The following SP4 variants were observed in gnomAD, a reference collection of about 807,000 sequenced individuals.
SP4 encodes Sp4 transcription factor.
In SP4, 19 loss-of-function variants were observed where a neutral mutation model predicts 72.8. That is an observed-to-expected ratio of 0.26 (90% CI 0.18 to 0.38). The LOEUF (loss-of-function observed/expected upper bound fraction) is 0.38, where lower values mean the gene tolerates loss of function less well. Ranked by LOEUF, SP4 falls within the 10% of genes least tolerant of loss-of-function variation. The pLI is 1.00. For missense variants in SP4, 1,008 were observed against 926.3 expected, an observed-to-expected ratio of 1.09 and a Z score of -1.14; for synonymous variants, 395 against 333.1, an observed-to-expected ratio of 1.19 and a Z score of -2.02.
At chr7:21,451,386 C>CG (rs745561735) in intron 3 of SP4, among the ~76,000 whole-genome samples, 4 of 152,098 alleles carry the variant, frequency 2.6e-5, no homozygotes, top group Non-Finnish European at 5.9e-5. Context: ...TTCTTGGTTG[C>CG]GGGGTTAGGG....
At chr7:21,484,157 A>G (rs188141527) in intron 5 of SP4, among the ~76,000 whole-genome samples, 204 of 152,036 alleles carry the variant, frequency 1.3e-3, no homozygotes, top group African/African-American at 4.8e-3. Flanking sequence ...TAAAGTAGTA[A>G]TACAAATGAG....
At chr7:21,469,027 C>T (rs1246282274) in intron 3 of SP4, among the ~76,000 whole-genome samples, 1 of 152,078 alleles carries the variant, frequency 6.6e-6, no homozygotes, top group African/African-American at 2.4e-5. Context: ...AATCTCACTT[C>T]TAGGACTATC....
intron 5 of SP4, among the ~76,000 whole-genome samples, chr7:21,495,077 C>G (rs1319691634): frequency 6.6e-6 from 1 of 152,150 alleles, no homozygotes; most frequent in East Asian, 1.9e-4. Context: ...TTTACAAAAA[C>G]TAACTCCAAG....
chr7:21,441,981 TATTTC>T (rs1285061864), intron 3 of SP4, among the ~76,000 whole-genome samples: 1 of 151,210 alleles, frequency 6.6e-6, no homozygotes, highest in Non-Finnish European at 1.5e-5. Context: ...ATTTTATTTT[TATTTC>T]ATTTTATGTG....
At chr7:21,462,401 G>A (rs1784024399) in intron 3 of SP4, among the ~76,000 whole-genome samples, 1 of 152,180 alleles carries the variant, frequency 6.6e-6, no homozygotes, top group Non-Finnish European at 1.5e-5. Context: ...TGTATGAATG[G>A]AGAGAGGAAA....
intron 5 of SP4, among the ~76,000 whole-genome samples, chr7:21,489,624 A>T (rs911712474): frequency 3.1e-5 from 4 of 128,802 alleles, no homozygotes; most frequent in African/African-American, 1.2e-4. Context: ...CAGTGGCATG[A>T]TCTTGGCTCA....
At position 21,489,116 on chromosome 7, in the gene SP4, C is replaced by T. The variant is rs1041023152; in HGVS notation, c.2107+6993C>T. Among the ~76,000 whole-genome samples the T allele has an allele frequency of 1.1e-4, 17 of 152,076 alleles. No individual in the cohort carries two copies. The East Asian group carries it at 1.4e-3, about 12-fold the overall frequency. On this transcript the variant is annotated intron_variant, in intron 5 of 5. Transcript: ENST00000222584. ...AGTATAGGTTCTTTATAATATATGA[C>T]GACTTAGTGTTTTAGCCAAGATACA...
intron 3 of SP4, among the ~76,000 whole-genome samples, chr7:21,448,356 TG>T (rs1783489410): frequency 6.6e-6 from 1 of 152,244 alleles, no homozygotes; most frequent in Non-Finnish European, 1.5e-5. Context: ...AGAATCCTAC[TG>T]TTTTTTAATG....
At position 21,439,113 on chromosome 7, in the gene SP4, G is replaced by A. The variant is rs368365591; in HGVS notation, c.1678+8270G>A. Among the ~76,000 whole-genome samples, 163 of 152,290 alleles carry A rather than the reference G, an allele frequency of 1.1e-3. 1 individual carries two copies. Among genetic ancestry groups the A allele is most frequent in the African/African-American group, 3.8e-3 (156 of 41,568 alleles). On this transcript the variant is annotated intron_variant, in intron 3 of 5. Transcript: ENST00000222584. The stretch of plus-strand genomic sequence containing the variant: ...GGTCTTGGAACATATTCCCCCCTCT[G>A]ATAAGGGGGGACTGCTCTAGCTCTT...
At chr7:21,479,860 A>G (rs1161975222) in intron 4 of SP4, among the ~76,000 whole-genome samples, 1 of 152,062 alleles carries the variant, frequency 6.6e-6, no homozygotes, top group Admixed American at 6.5e-5. Context: ...TTCCAATTTT[A>G]TTTCTGATGC....
At chr7:21,440,942 G>T (rs1225048397) in intron 3 of SP4, among the ~76,000 whole-genome samples, 1 of 152,198 alleles carries the variant, frequency 6.6e-6, no homozygotes, top group Non-Finnish European at 1.5e-5. Flanking sequence ...TCTGCTGTCT[G>T]ATTAACCCTT....
chr7:21,430,982 A>G (rs779002298), intron 3 of SP4, 139 bp downstream of exon 3: 13 of 624,126 alleles, frequency 2.1e-5, no homozygotes, highest in Admixed American at 8.9e-5. Flanking sequence ...GCAATATTAT[A>G]CTAACAAACA....
In SP4 at chr7:21,481,991, G is replaced by A; in HGVS notation, c.1975G>A (p.Gly659Ser). The A allele has an allele frequency of 6.2e-7, 1 of 1,614,000 alleles. No homozygotes were observed. Residue 659 changes from glycine to serine, a missense_variant, in exon 5 of 6, where the codon GGC becomes AGC. By Grantham distance (56) the Gly-to-Ser change is moderately conservative. Around this residue, in one of 3 missense-constraint regions of SP4, gnomAD observed 48 missense variants for 117.0 expected, o/e 0.41. Transcript: ENST00000222584. ...CHIEGCGKVY[G>S]KTSHLRAHLR... ...TATTGAAGGATGTGGTAAAGTTTAT[G>A]GCAAAACATCTCATTTACGAGCACA...
At chr7:21,445,867 A>G (rs932542806) in intron 3 of SP4, among the ~76,000 whole-genome samples, 2 of 152,088 alleles carry the variant, frequency 1.3e-5, no homozygotes, top group Non-Finnish European at 2.9e-5. Context: ...TTGAAGACCA[A>G]TTTACATTTT....
intron 3 of SP4, chr7:21,470,925 T>TA (rs1212134631): frequency 2.0e-5 from 8 of 400,174 alleles, no homozygotes; most frequent in Non-Finnish European, 4.1e-5. Context: ...TTTGAGTTAT[T>TA]AAAAAAATTA....
chr7:21,440,817 T>A (rs1026822053), intron 3 of SP4, among the ~76,000 whole-genome samples: 3 of 152,150 alleles, frequency 2.0e-5, no homozygotes, highest in Admixed American at 1.3e-4. Flanking sequence ...GCCACTGCAC[T>A]TCAGTCTGGG....
rs1554301442 is a variant in SP4 at position 21,502,051 on chromosome 7, C to CCCT, written c.2108-8969_2108-8968insTCC. On this transcript the variant is annotated intron_variant, in intron 5 of 5. Transcript: ENST00000222584. Reference sequence around the variant, plus strand: ...TAAATTCATTAGGCACCCCCCCCCCCCCGGAACTCCTATAGAGTTAACATA... The same window carrying CCCT: ...TAAATTCATTAGGCACCCCCCCCCCCCCTCCGGAACTCCTATAGAGTTAACATA... Among the ~76,000 whole-genome samples, 458 of 81,922 alleles carry CCCT rather than the reference C, an allele frequency of 5.6e-3. 3 individuals are homozygous for CCCT. The highest frequency in any genetic ancestry group is 9.1e-3 in the Non-Finnish European group (347 of 38,014). The allele number at this position is 81,922 out of a possible 152,430, so 53.7% of individuals were successfully genotyped here.
intron 2 of SP4, 31 bp from the exon 3 acceptor site, chr7:21,429,258 C>CA (rs1482637560): frequency 7.7e-7 from 1 of 1,304,176 alleles, no homozygotes; most frequent in Non-Finnish European, 1.1e-6. Context: ...TTTTCCCCCC[C>CA]CCCTCTCCTT....
At chr7:21,499,201 A>G (rs1180983230) in intron 5 of SP4, among the ~76,000 whole-genome samples, 1 of 152,126 alleles carries the variant, frequency 6.6e-6, no homozygotes, top group Non-Finnish European at 1.5e-5. Flanking sequence ...TTACGTAGGA[A>G]TTTGAGGAGG....
Sources: allele counts gnomAD v4.1 joint callset (sites outside exome capture counted in the v4.1 genomes callset), GRCh38; gene constraint gnomAD v4.1.1; regional missense constraint gnomAD v4.1.1; transcripts MANE v1.5; gene names NCBI Gene and HGNC (gene_info 2026-07-23, HGNC 2026-07-21).